The following NAV1 variants were observed in gnomAD, a reference collection of about 807,000 sequenced individuals.
NAV1 encodes neuron navigator 1.
A neutral mutation model predicts 175.2 loss-of-function variants in NAV1; 18 were observed. That is an observed-to-expected ratio of 0.10 (90% CI 0.07 to 0.15). The LOEUF (loss-of-function observed/expected upper bound fraction) is 0.15. NAV1 is among the 10% of genes least tolerant of loss of function. NAV1 has a pLI of 1.00. For missense variants in NAV1, 1,731 were observed against 2,436.6 expected (o/e 0.71, Z 6.10); for synonymous variants, 897 against 978.7 (o/e 0.92, Z 1.56).
chr1:201,549,895 C>T (rs1327183006), intron 1 of NAV1, among the ~76,000 whole-genome samples: 1 of 150,064 alleles, frequency 6.7e-6, no homozygotes, highest in Non-Finnish European at 1.5e-5. Flanking sequence ...CCTGTGGTCC[C>T]AGCTACTTGG....
In NAV1 at chr1:201,811,993, G is replaced by A. The variant is rs1176622705; in HGVS notation, c.5024+19G>A. On this transcript the variant is annotated intron_variant, in intron 26 of 29. Transcript: ENST00000367296. ...GCTTCAGGTAAGACCTCTAGCTCTGGATGAACCTTCTGACCCTACCCAAGA... is the reference window on the plus strand; with the variant it reads ...GCTTCAGGTAAGACCTCTAGCTCTGAATGAACCTTCTGACCCTACCCAAGA... The A allele has an allele frequency of 1.2e-6, 2 of 1,612,062 alleles. No individual in the cohort carries two copies. The highest frequency in any genetic ancestry group is 1.7e-6 in the Non-Finnish European group (2 of 1,178,252).
At chr1:201,724,046 C>T (rs943264699) in intron 3 of NAV1, 3 of 152,172 alleles carry the variant, frequency 2.0e-5, no homozygotes, top group African/African-American at 7.2e-5. Flanking sequence ...CCTCTGGAAG[C>T]TCTCAGGACG....
chr1:201,740,209 G>A lies in NAV1; in HGVS notation c.1226+21454G>A, dbSNP rs1481118766. The A allele has an allele frequency of 1.3e-5, 10 of 743,214 alleles. No individual in the cohort carries two copies. Among genetic ancestry groups the A allele is most frequent in the Middle Eastern group, 3.3e-4 (1 of 2,992 alleles). The allele number at this position is 743,214 out of a possible 1,614,324, so 46.0% of individuals were successfully genotyped here. Reference sequence around the variant, plus strand: ...CTCAGGGGCAGTGGGTGTGGGGTCCGCAAGAAGGAGGGTCTTGGCCGCGCT... The same window carrying A: ...CTCAGGGGCAGTGGGTGTGGGGTCCACAAGAAGGAGGGTCTTGGCCGCGCT... On this transcript the variant is annotated intron_variant, in intron 3 of 29. Transcript: ENST00000367296. This position sits in a 1 kb window ranked among gnomAD's most constrained non-coding sequence, Gnocchi z 4.7.
chr1:201,786,307 CT>C, intron 8 of NAV1, 121 bp from the exon 13 acceptor site: 2 of 1,070,704 alleles, frequency 1.9e-6, no homozygotes, highest in Non-Finnish European at 2.7e-6. Context: ...ACCACTCCCT[CT>C]TTTCCATGTC....
At chr1:201,752,176 G>A (rs543370818) in intron 3 of NAV1, among the ~76,000 whole-genome samples, 5 of 151,974 alleles carry the variant, frequency 3.3e-5, no homozygotes, top group South Asian at 2.1e-4. Flanking sequence ...ATAAGAAGGC[G>A]GTTAATTCTG....
Position 201,788,471 on chromosome 1 carries a change from G to A in NAV1, c.2999G>A (p.Ser1000Asn). 1 of 1,613,868 alleles carries A rather than the reference G, an allele frequency of 6.2e-7. No individual in the cohort carries two copies. The highest frequency in any genetic ancestry group is 1.3e-5 in the African/African-American group (1 of 74,976). ...CCCCTTCCCTCTGTCCTTCCAGTGA[G>A]TCCCACTGCGGCCACCACGCCAAGA... Residue 1000 changes from serine (S) to asparagine (N), a missense_variant, in exon 10 of 30, where the codon AGT becomes AAT. By Grantham distance (46) the Ser-to-Asn change is conservative. Transcript: ENST00000367296. The surrounding 1 kb of genome is among the most constrained non-coding windows in gnomAD (Gnocchi z 5.7).
intron 3 of NAV1, among the ~76,000 whole-genome samples, chr1:201,725,581 G>C (rs1206351810): frequency 6.7e-6 from 1 of 149,622 alleles, no homozygotes. Flanking sequence ...GTTGGGGCGG[G>C]GGGGCTACAG....
At chr1:201,649,030 G>A (rs753895159) in exon 1 of NAV1, 3 of 1,613,652 alleles carry the variant, frequency 1.9e-6, no homozygotes, top group Non-Finnish European at 2.5e-6. Flanking sequence ...GCGCCCAAAG[G>A]CTTAGGCAAG....
chr1:201,825,212 C>T (rs940528760), exon 30 of NAV1: 6 of 152,062 alleles, frequency 3.9e-5, no homozygotes, highest in African/African-American at 1.4e-4. Context: ...AAATTACTAC[C>T]TGGCACACAA....
chr1:201,686,650 C>T (rs1300945545), intron 1 of NAV1, among the ~76,000 whole-genome samples: 2 of 152,196 alleles, frequency 1.3e-5, no homozygotes, highest in African/African-American at 4.8e-5. Context: ...TCCTATCCCC[C>T]ACTCCAACCC....
chr1:201,603,957 T>C (rs1211969166), intron 2 of NAV1, among the ~76,000 whole-genome samples: 1 of 152,218 alleles, frequency 6.6e-6, no homozygotes. Flanking sequence ...AAAATAACCG[T>C]GTGATTGAGC....
intron 1 of NAV1, among the ~76,000 whole-genome samples, chr1:201,711,437 C>T (rs1467929157): frequency 6.6e-6 from 1 of 152,256 alleles, no homozygotes; most frequent in African/African-American, 2.4e-5. Context: ...GCCAGCCGGC[C>T]TGAGCTTAGT....
intron 3 of NAV1, among the ~76,000 whole-genome samples, chr1:201,730,203 T>A (rs1672792375): frequency 1.3e-5 from 2 of 152,372 alleles, no homozygotes; most frequent in African/African-American, 4.8e-5. Flanking sequence ...TTGCATAGCA[T>A]GCATGGTTTG....
At chr1:201,644,839 C>T (rs1668921510), upstream of NAV1, among the ~76,000 whole-genome samples, 1 of 152,064 alleles carries the variant, frequency 6.6e-6, no homozygotes, top group Admixed American at 6.5e-5. Context: ...GAGCATGAGA[C>T]AAGGTACAGA....
At chr1:201,789,511 A>T (rs563019791) in intron 10 of NAV1, among the ~76,000 whole-genome samples, 1 of 152,160 alleles carries the variant, frequency 6.6e-6, no homozygotes, top group South Asian at 2.1e-4. Flanking sequence ...TAAGCAAGGG[A>T]CTGCCATACC....
At chr1:201,658,721 G>T (rs115574286) in intron 1 of NAV1, among the ~76,000 whole-genome samples, 4 of 152,286 alleles carry the variant, frequency 2.6e-5, no homozygotes, top group South Asian at 4.1e-4. Context: ...TCCTGTGCCC[G>T]CTGGTCCTTG....
intron 2 of NAV1, among the ~76,000 whole-genome samples, chr1:201,610,932 T>C (rs1297057987): frequency 6.6e-6 from 1 of 152,116 alleles, no homozygotes; most frequent in African/African-American, 2.4e-5. Flanking sequence ...TCTGGAGGTG[T>C]TGGCAGAGCC....
rs532161993 is a variant in NAV1, at chr1:201,610,601, CA to C, written c.-32-12251del. On this transcript the variant is annotated intron_variant, in intron 2 of 33. Coordinates refer to the NAV1 transcript ENST00000685211. The stretch of plus-strand genomic sequence containing the variant: ...GATCTCCATGTCCTGCCTCTGTCCG[CA>C]GGCACAGGTGCAGGACGCCCTGTCT... Among the ~76,000 whole-genome samples the C allele has an allele frequency of 1.5e-4, 23 of 152,330 alleles. No individual in the cohort carries two copies. The South Asian group carries it at 4.8e-3, about 32-fold the overall frequency.
At chr1:201,625,359 T>G (rs1182411557) in intron 1 of NAV1, among the ~76,000 whole-genome samples, 2 of 152,274 alleles carry the variant, frequency 1.3e-5, no homozygotes, top group East Asian at 3.9e-4. Flanking sequence ...AAGACAGATT[T>G]GAGGCTCAAG....
Sources: gnomAD v4.1 joint callset for allele counts (sites outside exome capture counted in the v4.1 genomes callset) on GRCh38, gnomAD v4.1.1 for gene constraint, Gnocchi (gnomAD v3.1) non-coding constraint, MANE v1.5 for transcripts, NCBI Gene and HGNC (gene_info 2026-07-23, HGNC 2026-07-21) for gene names.